Variants in BAZ1B observed in about 807,000 individuals in gnomAD.
BAZ1B encodes the protein bromodomain adjacent to zinc finger domain 1B.
Under a neutral mutation model 153.8 loss-of-function variants are expected in BAZ1B, and 22 were observed. That is an observed-to-expected ratio of 0.14 (90% confidence interval 0.10 to 0.20). The LOEUF is 0.20. Among genes scored for constraint, BAZ1B ranks in the 10% least tolerant of loss-of-function variants. The pLI is 1.00. For synonymous variants in BAZ1B, 676 were observed against 633.4 expected (o/e 1.07, Z -1.01); for missense variants, 1,325 against 1,799.3 (o/e 0.74, Z 4.77).
In BAZ1B at chr7:73,465,406, T is replaced by A. The variant is rs782315128; in HGVS notation, c.3071+33A>T. On this transcript the variant is annotated intron_variant, in intron 11 of 19. Coordinates refer to ENST00000339594, the MANE Select transcript of BAZ1B (RefSeq NM_032408.4). ...ATTTATATCCAATGCTAAAGAGAAGTAAGATGTGAGGAGTAAGATGAAAAC... is the reference window on the plus strand; with the variant it reads ...ATTTATATCCAATGCTAAAGAGAAGAAAGATGTGAGGAGTAAGATGAAAAC... The A allele has an allele frequency of 5.8e-6, 8 of 1,384,716 alleles. No homozygotes were observed. In the South Asian group the frequency reaches 1.1e-4, roughly 19 times the overall value. 85.8% of individuals were successfully genotyped at this position (1,384,716 alleles called of 1,614,324 possible). A position where few individuals can be genotyped will look rare whatever the true frequency, so the allele number is the denominator to read the frequency against.
chr7:73,450,214 CT>C lies in BAZ1B; in HGVS notation c.3581-526del, dbSNP rs1787987291. 6.6e-6 allele frequency among the ~76,000 whole-genome samples: 1 copy of C among 152,038 alleles called. No homozygotes were observed. On this transcript the variant is annotated intron_variant, in intron 14 of 19. Transcript: ENST00000339594. The surrounding 1 kb of genome is among the most constrained non-coding windows in gnomAD (Gnocchi z 4.1). ...AGGCGTGAGCCACCGCGCCCGGCCC[CT>C]GATGGGTTCCCTTAAACCATGTGGT...
rs1461955574 is a variant in BAZ1B, at chr7:73,521,989, C to A, written c.-56G>T. The A allele has an allele frequency of 1.4e-5, 17 of 1,203,004 alleles. No individual in the cohort carries two copies. The highest frequency in any genetic ancestry group is 1.8e-5 in the Non-Finnish European group (17 of 958,030). The allele number at this position is 1,203,004 out of a possible 1,614,324, so 74.5% of individuals were successfully genotyped here. A position where few individuals can be genotyped will look rare whatever the true frequency, so the allele number is the denominator to read the frequency against. On this transcript the variant is annotated 5_prime_UTR_variant, in exon 1 of 20. Transcript: ENST00000339594. ...CTGGGGCCGGCCCCGCGGCGCAGCA[C>A]TAGGCCCCGCGGCCCGGAGCGAGCG... is the stretch of plus-strand genomic sequence containing the variant.
At chr7:73,510,211 C>T (rs937874185) in intron 2 of BAZ1B, among the ~76,000 whole-genome samples, 3 of 151,498 alleles carry the variant, frequency 2.0e-5, no homozygotes, top group Non-Finnish European at 2.9e-5. Flanking sequence ...GGGAGGATCA[C>T]GAGGTCAGGA....
In BAZ1B at chr7:73,496,391, T is replaced by A. The variant is rs538822043; in HGVS notation, c.571+2106A>T. ...CTTCGAACTACATTAAGAAAGTACCTCAAAAACCATCTGCACAGATCCAAA... is the reference window on the plus strand; with the variant it reads ...CTTCGAACTACATTAAGAAAGTACCACAAAAACCATCTGCACAGATCCAAA... On this transcript the variant is annotated intron_variant, in intron 4 of 19. Transcript: ENST00000339594. Among the ~76,000 whole-genome samples, 20 of 152,212 alleles carry A rather than the reference T, an allele frequency of 1.3e-4. No individual in the cohort carries two copies. In the South Asian group the frequency reaches 4.1e-3, roughly 32 times the overall value.
Position 73,462,938 on chromosome 7 carries a change from G to A in BAZ1B, c.3233C>T (p.Ser1078Leu). ...TATTCCTACCCGGGCTTCAAATTCT[G>A]ATGTTTCTTCCACATATCCAAGTCC... ...KGGLGYVEET[S>L]EFEARVISLE... Residue 1078 changes from serine to leucine, a missense_variant, in exon 12 of 20, where the codon TCA (serine) becomes TTA (leucine). Coordinates refer to ENST00000339594, the MANE Select transcript of BAZ1B (RefSeq NM_032408.4). 1.9e-6 allele frequency: 3 copies of A among 1,613,968 alleles called. No homozygotes were observed. Among genetic ancestry groups the A allele is most frequent in the Non-Finnish European group, 2.5e-6 (3 of 1,179,962 alleles).
At chr7:73,466,233 A>G in intron 10 of BAZ1B, 63 bp downstream of exon 10, 1 of 1,227,502 alleles carries the variant, frequency 8.1e-7, no homozygotes, top group South Asian at 1.3e-5. Context: ...ACTATACTAA[A>G]TACTTTCTTC....
intron 8 of BAZ1B, 77 bp downstream of exon 8, chr7:73,470,268 G>C: frequency 7.0e-7 from 1 of 1,423,562 alleles, no homozygotes; most frequent in South Asian, 1.5e-5. Flanking sequence ...GTCTATTCTT[G>C]TACTTTAGAA....
chr7:73,442,911 C>T, intron 17 of BAZ1B, 83 bp from the exon 18 acceptor site: 1 of 1,027,116 alleles, frequency 9.7e-7, no homozygotes, highest in Non-Finnish European at 1.5e-6. Context: ...TGTATCTGCT[C>T]AAAAAAGGAA....
intron 7 of BAZ1B, among the ~76,000 whole-genome samples, chr7:73,471,946 C>G (rs1369629121): frequency 6.6e-6 from 1 of 150,624 alleles, no homozygotes; most frequent in Non-Finnish European, 1.5e-5. Flanking sequence ...CCCAAGACTA[C>G]AAACAAACAT....
intron 6 of BAZ1B, 127 bp downstream of exon 6, chr7:73,489,067 C>CATA: frequency 5.3e-6 from 5 of 945,688 alleles, no homozygotes; most frequent in Non-Finnish European, 7.8e-6. Context: ...AACAGATATA[C>CATA]CTGAAAAATT....
intron 6 of BAZ1B, among the ~76,000 whole-genome samples, chr7:73,481,899 C>T (rs568587721): frequency 1.1e-4 from 17 of 150,552 alleles, no homozygotes; most frequent in South Asian, 2.1e-4. Flanking sequence ...ATTAGCCTGG[C>T]GCGGTGGCGG....
Position 73,477,694 on chromosome 7 carries a change from G to GT in BAZ1B, c.1766dup (p.Asn589LysfsTer12). On this transcript the variant is annotated frameshift_variant, in exon 7 of 20. Coordinates refer to ENST00000339594, the MANE Select transcript of BAZ1B (RefSeq NM_032408.4). LOFTEE classifies it high-confidence loss of function. This position sits in a 1 kb window ranked among gnomAD's most constrained non-coding sequence, Gnocchi z 5.6. The stretch of plus-strand genomic sequence containing the variant: ...TATCCACCAATCTGAATGCTGGAAG[G>GT]TTTTTGCCAGTTAACTCTTGGTCCT... 1 of 1,614,134 alleles carries GT rather than the reference G, an allele frequency of 6.2e-7. No homozygotes were observed. The highest frequency in any genetic ancestry group is 8.5e-7 in the Non-Finnish European group (1 of 1,180,014).
intron 4 of BAZ1B, among the ~76,000 whole-genome samples, chr7:73,496,743 G>A (rs1447506671): frequency 6.6e-6 from 1 of 152,178 alleles, no homozygotes; most frequent in African/African-American, 2.4e-5. Flanking sequence ...CCGTGTGAGA[G>A]GGACTTAGAT....
At chr7:73,455,521 C>T (rs1340494810) in intron 13 of BAZ1B, among the ~76,000 whole-genome samples, 3 of 151,238 alleles carry the variant, frequency 2.0e-5, no homozygotes, top group East Asian at 1.9e-4. Context: ...GTGGCTCATG[C>T]CTGTAATCTC....
chr7:73,445,730 C>T (rs140831885), intron 16 of BAZ1B, among the ~76,000 whole-genome samples: 13 of 152,024 alleles, frequency 8.6e-5, no homozygotes, highest in Non-Finnish European at 1.9e-4. Context: ...CATGGTGGCA[C>T]GTGCCTGTAG....
At chr7:73,471,178 A>G (rs1788791466) in intron 7 of BAZ1B, among the ~76,000 whole-genome samples, 1 of 152,226 alleles carries the variant, frequency 6.6e-6, no homozygotes, top group Admixed American at 6.5e-5. Flanking sequence ...TAAAATAACT[A>G]TTTCAAAATA....
chr7:73,506,053 G>A (rs2116439905), intron 3 of BAZ1B, among the ~76,000 whole-genome samples: 1 of 152,286 alleles, frequency 6.6e-6, no homozygotes, highest in South Asian at 2.1e-4. Context: ...AATTAGCCCA[G>A]TGTCAAGTAC....
In BAZ1B at chr7:73,510,901, A is replaced by G. The variant is rs199718509; in HGVS notation, c.108-49T>C. 524 of 1,456,836 alleles carry G rather than the reference A, an allele frequency of 3.6e-4. 4 individuals carry two copies. Among genetic ancestry groups the G allele is most frequent in the Admixed American group, 1.2e-4 (7 of 59,090 alleles). 90.2% of individuals were successfully genotyped at this position (1,456,836 alleles called of 1,614,324 possible). A position where few individuals can be genotyped will look rare whatever the true frequency, so the allele number is the denominator to read the frequency against. ...CAATATGCAAGCAACAGAGACGACAAACCCATACCCATAAGATACTTATAT... is the reference window on the plus strand; with the variant it reads ...CAATATGCAAGCAACAGAGACGACAGACCCATACCCATAAGATACTTATAT... On this transcript the variant is annotated intron_variant, in intron 1 of 19. Transcript: ENST00000339594.
intron 19 of BAZ1B, 131 bp from the exon 20 acceptor site, chr7:73,441,824 ACACAGCAATCCCTCCCCTGGAGAC>A (rs1787628589): frequency 3.7e-6 from 1 of 271,862 alleles, no homozygotes; most frequent in Admixed American, 4.8e-5. Flanking sequence ...CTGCTATGTA[ACACAGCAATCCCTCCCCTGGAGAC>A]CAGAGGGGCT....
Sources: allele counts gnomAD v4.1 joint callset (sites outside exome capture counted in the v4.1 genomes callset), GRCh38; gene constraint gnomAD v4.1.1; non-coding constraint Gnocchi (gnomAD v3.1); transcripts MANE v1.5; gene names NCBI Gene and HGNC (gene_info 2026-07-23, HGNC 2026-07-21).